The following DENND1B variants were observed in gnomAD, a reference collection of about 807,000 sequenced individuals.
The protein encoded by DENND1B is DENN domain-containing protein 1B.
A neutral mutation model predicts 90.1 loss-of-function variants in DENND1B; 59 were observed. That is an observed-to-expected ratio of 0.65 (90% CI 0.53 to 0.81). The LOEUF is 0.81. DENND1B is among the 40% of genes least tolerant of loss of function. The probability of loss-of-function intolerance (pLI) is 0.00; values close to 1 mark genes in which losing one functional copy is unlikely to be tolerated. For synonymous variants in DENND1B, 337 were observed against 324.6 expected (o/e 1.04, Z -0.41); for missense variants, 862 against 912.6 (o/e 0.94, Z 0.71).
chr1:197,618,802 A>T (rs1387706239), intron 10 of DENND1B, among the ~76,000 whole-genome samples: 1 of 151,168 alleles, frequency 6.6e-6, no homozygotes, highest in Admixed American at 6.6e-5. Flanking sequence ...AATGAACCAG[A>T]CTTTCTATAA....
intron 20 of DENND1B, among the ~76,000 whole-genome samples, chr1:197,520,304 AT>A (rs1246549468): frequency 6.6e-6 from 1 of 152,024 alleles, no homozygotes; most frequent in African/African-American, 2.4e-5. Context: ...CACTTAAAAA[AT>A]ATAGGGTGAA....
chr1:197,651,991 A>G (rs1284156829), intron 7 of DENND1B, among the ~76,000 whole-genome samples: 2 of 152,066 alleles, frequency 1.3e-5, no homozygotes, highest in Non-Finnish European at 2.9e-5. Context: ...ATATCCTCAT[A>G]GATTTGGTTA....
At chr1:197,748,718 A>G (rs753176496) in intron 2 of DENND1B, among the ~76,000 whole-genome samples, 1 of 152,198 alleles carries the variant, frequency 6.6e-6, no homozygotes, top group Non-Finnish European at 1.5e-5. Flanking sequence ...CCAGAAAGAA[A>G]CACAGCCCTG....
At chr1:197,676,331 T>C (rs1257402430) in intron 3 of DENND1B, among the ~76,000 whole-genome samples, 1 of 152,116 alleles carries the variant, frequency 6.6e-6, no homozygotes, top group Non-Finnish European at 1.5e-5. Context: ...CTCTTAGCAA[T>C]AGTATTAATT....
chr1:197,546,060 A>G, intron 17 of DENND1B, 70 bp from the exon 18 acceptor site: 1 of 1,291,952 alleles, frequency 7.7e-7, no homozygotes, highest in Non-Finnish European at 1.1e-6. Flanking sequence ...AAAGTATTAC[A>G]GTAAGTTGCA....
rs74533201 is a variant in DENND1B at position 197,645,922 on chromosome 1, C to G, written c.508-179G>C. On this transcript the variant is annotated intron_variant, in intron 8 of 22. Transcript: ENST00000620048. ...GTTAGCGGGTTTATATGAGATTTAA[C>G]AATTACATTGCCATACAAAAAGTTA... 6.8e-4 allele frequency among the ~76,000 whole-genome samples: 103 copies of G among 151,710 alleles called. No individual in the cohort carries two copies. The East Asian group carries it at 0.02, about 29-fold the overall frequency.
intron 12 of DENND1B, among the ~76,000 whole-genome samples, chr1:197,608,847 AT>A: frequency 6.6e-6 from 1 of 150,734 alleles, no homozygotes; most frequent in Non-Finnish European, 1.5e-5. Context: ...TGAATATTAA[AT>A]TTTATTTAAG....
At chr1:197,550,939 T>C (rs1671184364) in intron 16 of DENND1B, among the ~76,000 whole-genome samples, 1 of 152,080 alleles carries the variant, frequency 6.6e-6, no homozygotes. Context: ...TTACTATTAT[T>C]ATGAGATAAA....
At chr1:197,735,806 G>C (rs1350297310) in intron 2 of DENND1B, 7 of 1,608,868 alleles carry the variant, frequency 4.4e-6, no homozygotes, top group Non-Finnish European at 5.9e-6. Context: ...TCTACAGAAA[G>C]AAGCACAAAA....
chr1:197,526,286 G>C (rs1669126012), intron 20 of DENND1B, among the ~76,000 whole-genome samples: 1 of 151,966 alleles, frequency 6.6e-6, no homozygotes, highest in Non-Finnish European at 1.5e-5. Flanking sequence ...TTTAAAAGCA[G>C]CTCTATATTC....
At chr1:197,719,207 G>A (rs528140868) in intron 2 of DENND1B, among the ~76,000 whole-genome samples, 1 of 152,226 alleles carries the variant, frequency 6.6e-6, no homozygotes, top group Non-Finnish European at 1.5e-5. Context: ...ACACAAAGTA[G>A]AGGAAAGTAA....
chr1:197,581,795 C>T (rs1264096168), intron 15 of DENND1B, among the ~76,000 whole-genome samples: 1 of 152,142 alleles, frequency 6.6e-6, no homozygotes, highest in Non-Finnish European at 1.5e-5. Flanking sequence ...CATTCAATCC[C>T]TAACCCCCAT....
At chr1:197,552,157 T>C in intron 16 of DENND1B, 1 of 900,338 alleles carries the variant, frequency 1.1e-6, no homozygotes, top group Non-Finnish European at 1.3e-6. Flanking sequence ...CATCTATTTA[T>C]TTACATATAG....
chr1:197,721,260 C>T (rs1032288391), intron 2 of DENND1B, among the ~76,000 whole-genome samples: 1 of 151,668 alleles, frequency 6.6e-6, no homozygotes, highest in Non-Finnish European at 1.5e-5. Flanking sequence ...TTAGTAGAGA[C>T]AGGTTTCACC....
At chr1:197,572,118 C>T (rs1443522206) in intron 15 of DENND1B, among the ~76,000 whole-genome samples, 1 of 152,110 alleles carries the variant, frequency 6.6e-6, no homozygotes, top group Non-Finnish European at 1.5e-5. Context: ...GGGGCATCGC[C>T]GCACCCGGGA....
At position 197,595,334 on chromosome 1, in the gene DENND1B, C is replaced by G. The variant is rs1349980349; in HGVS notation, c.922-1G>C. ...TCAGTTTATTTTTCAAGGCCGAGAC[C>G]TGCATGACAGAGAGGAACAGTTAAA... On this transcript the variant is annotated splice_acceptor_variant, in intron 13 of 22. Transcript: ENST00000620048. LOFTEE classifies it high-confidence loss of function. The G allele has an allele frequency of 6.2e-7, 1 of 1,611,934 alleles. No individual in the cohort carries two copies. Among genetic ancestry groups the G allele is most frequent in the African/African-American group, 1.3e-5 (1 of 74,904 alleles).
At chr1:197,706,869 A>G (rs568730956) in intron 3 of DENND1B, among the ~76,000 whole-genome samples, 77 of 152,260 alleles carry the variant, frequency 5.1e-4, no homozygotes, top group African/African-American at 1.6e-3. Context: ...ATAGTATGGA[A>G]GTTCCTCAAA....
rs1373387486 is a variant in DENND1B at position 197,607,164 on chromosome 1, T to C, written c.830A>G (p.Asn277Ser). ...CATAACAACATCTTCCAATGATTTG[T>C]TTTTCACTCTCTATAAAAAAAACAC... ...IHSSLIERVK[N>S]KSLEDVVMLN... The change falls in exon 13 of 23, where the codon AAC becomes AGC. Residue 277 changes from asparagine to serine, a missense_variant. By Grantham distance (46) the Asn-to-Ser change is conservative. Coordinates refer to ENST00000620048, the MANE Select transcript of DENND1B (RefSeq NM_001195215.2). The C allele has an allele frequency of 6.7e-7, 1 of 1,491,808 alleles. No individual in the cohort carries two copies. Among genetic ancestry groups the C allele is most frequent in the Non-Finnish European group, 8.9e-7 (1 of 1,123,722 alleles). 92.4% of individuals were successfully genotyped at this position (1,491,808 alleles called of 1,614,324 possible).
intron 16 of DENND1B, among the ~76,000 whole-genome samples, chr1:197,551,794 T>C (rs1671263323): frequency 6.6e-6 from 1 of 152,082 alleles, no homozygotes; most frequent in Admixed American, 6.6e-5. Context: ...CTTGTCTGAG[T>C]TGAGAAGTAA....
Sources: gnomAD v4.1 joint callset for allele counts (sites outside exome capture counted in the v4.1 genomes callset) on GRCh38, gnomAD v4.1.1 for gene constraint, MANE v1.5 for transcripts, NCBI Gene and HGNC (gene_info 2026-07-23, HGNC 2026-07-21) for gene names.